The following EIF2AK3 variants were observed in gnomAD, a reference collection of about 807,000 sequenced individuals.
EIF2AK3 encodes eukaryotic translation initiation factor 2 alpha kinase 3.
Under a neutral mutation model 113.5 loss-of-function variants are expected in EIF2AK3, and 50 were observed. The ratio of observed to expected loss-of-function variants is 0.44; its 90% CI spans 0.35 to 0.56. The LOEUF (loss-of-function observed/expected upper bound fraction) is 0.56. EIF2AK3 is among the 20% of genes least tolerant of loss of function. The probability of loss-of-function intolerance (pLI) is 0.00; values close to 1 mark genes in which losing one functional copy is unlikely to be tolerated. For synonymous variants in EIF2AK3, 448 were observed against 495.4 expected (o/e 0.90, Z 1.27); for missense variants, 1,185 against 1,378.0 (o/e 0.86, Z 2.22).
rs1045936070 is a variant in EIF2AK3, at chr2:88,571,019, A to C, written c.2840T>G (p.Met947Arg). 3 of 1,614,186 alleles carry C rather than the reference A, an allele frequency of 1.9e-6. No individual in the cohort carries two copies. The highest frequency in any genetic ancestry group is 1.7e-6 in the Non-Finnish European group (2 of 1,180,022). The change falls in exon 14 of 17, where the codon ATG becomes AGG. Residue 947 changes from methionine to arginine, a missense_variant. Transcript: ENST00000303236. ...DLKPSNIFFT[M>R]DDVVKVGDFG... is the part of the protein sequence containing the mutation. ...GTCTCCAACCTTGACCACATCATCC[A>C]TTGTAAAGAATATGTTGGATGGCTG...
intron 14 of EIF2AK3, among the ~76,000 whole-genome samples, chr2:88,567,597 T>G (rs1674171212): frequency 6.6e-6 from 1 of 152,264 alleles, no homozygotes; most frequent in Admixed American, 6.5e-5. Flanking sequence ...CTCATTTTGG[T>G]ATCAATATTC....
At chr2:88,606,307 A>C in intron 2 of EIF2AK3, among the ~76,000 whole-genome samples, 1 of 145,528 alleles carries the variant, frequency 6.9e-6, no homozygotes, top group Non-Finnish European at 1.5e-5. Context: ...TCCTAAAAAA[A>C]TAAAATAAAA....
chr2:88,599,765 C>T (rs1434555755), intron 2 of EIF2AK3, among the ~76,000 whole-genome samples: 1 of 152,038 alleles, frequency 6.6e-6, no homozygotes, highest in African/African-American at 2.4e-5. Flanking sequence ...CTCTTTTCCT[C>T]TAAAGCAGTA....
intron 14 of EIF2AK3, among the ~76,000 whole-genome samples, chr2:88,565,347 T>G (rs1674083441): frequency 6.6e-6 from 1 of 151,224 alleles, no homozygotes; most frequent in African/African-American, 2.4e-5. Context: ...AAAAAACTTT[T>G]TTTTTTTTTT....
chr2:88,574,410 C>T, intron 13 of EIF2AK3: 1 of 537,630 alleles, frequency 1.9e-6, no homozygotes, highest in Non-Finnish European at 3.3e-6. Context: ...ACCTGGACTA[C>T]TGAGAATACC....
intron 7 of EIF2AK3, 133 bp downstream of exon 7, chr2:88,588,628 C>A: frequency 2.2e-6 from 2 of 908,058 alleles, no homozygotes; most frequent in East Asian, 2.7e-5. Context: ...TCTGAAATAC[C>A]ATCATGGTTT....
At chr2:88,613,082 C>A (rs1283220326) in intron 2 of EIF2AK3, among the ~76,000 whole-genome samples, 1 of 152,176 alleles carries the variant, frequency 6.6e-6, no homozygotes, top group East Asian at 1.9e-4. Context: ...CCCATCTGTA[C>A]CCCATGCGGG....
intron 1 of EIF2AK3, among the ~76,000 whole-genome samples, chr2:88,623,324 GACA>G (rs1455765412): frequency 2.0e-5 from 3 of 152,164 alleles, no homozygotes; most frequent in East Asian, 1.9e-4. Context: ...GAAGAACATG[GACA>G]ACGAGATTGG....
At chr2:88,557,994 T>C in intron 16 of EIF2AK3, 58 bp from the exon 17 acceptor site, 3 of 1,556,274 alleles carry the variant, frequency 1.9e-6, no homozygotes, top group African/African-American at 2.7e-5. Context: ...CTGTACAGTT[T>C]TTAAAATCAG....
At chr2:88,621,986 T>C (rs1258972310) in intron 1 of EIF2AK3, among the ~76,000 whole-genome samples, 1 of 149,500 alleles carries the variant, frequency 6.7e-6, no homozygotes. Flanking sequence ...AAACTCTGCA[T>C]CCCGGGTTCA....
intron 3 of EIF2AK3, 115 bp downstream of exon 3, chr2:88,595,354 C>T: frequency 9.5e-7 from 1 of 1,057,512 alleles, no homozygotes; most frequent in Non-Finnish European, 1.4e-6. Context: ...CAAATGACAA[C>T]CTCAGGGGAA....
chr2:88,622,365 G>T (rs1573428259), intron 1 of EIF2AK3, among the ~76,000 whole-genome samples: 1 of 152,144 alleles, frequency 6.6e-6, no homozygotes, highest in Non-Finnish European at 1.5e-5. Context: ...TACAAAAAAG[G>T]AGAAAAGCAA....
intron 3 of EIF2AK3, chr2:88,594,003 A>G: frequency 1.0e-6 from 1 of 957,822 alleles, no homozygotes; most frequent in Non-Finnish European, 1.2e-6. Flanking sequence ...GAGACTACCG[A>G]AGTAAACAGA....
At chr2:88,606,457 T>A (rs1675281664) in intron 2 of EIF2AK3, among the ~76,000 whole-genome samples, 1 of 152,322 alleles carries the variant, frequency 6.6e-6, no homozygotes, top group African/African-American at 2.4e-5. Flanking sequence ...GTTTCATTTC[T>A]ATAATTAAAA....
At chr2:88,622,514 C>T (rs996128551) in intron 1 of EIF2AK3, among the ~76,000 whole-genome samples, 5 of 152,210 alleles carry the variant, frequency 3.3e-5, no homozygotes, top group Admixed American at 2.0e-4. Flanking sequence ...AAAAAGCAAT[C>T]TCCCATCCCT....
chr2:88,626,572 T>C (rs1413655616), intron 1 of EIF2AK3, among the ~76,000 whole-genome samples: 1 of 152,238 alleles, frequency 6.6e-6, no homozygotes, highest in Non-Finnish European at 1.5e-5. Flanking sequence ...GCTAAAGTCC[T>C]TTCTCAAAAC....
intron 11 of EIF2AK3, among the ~76,000 whole-genome samples, chr2:88,577,056 T>C (rs1361682023): frequency 1.3e-5 from 2 of 151,864 alleles, no homozygotes; most frequent in African/African-American, 2.4e-5. Flanking sequence ...CAATCTCGGC[T>C]CTCTGCAACC....
chr2:88,626,950 G>T lies in EIF2AK3; in HGVS notation c.308+17C>A. 6.2e-7 allele frequency: 1 copy of T among 1,606,348 alleles called. No individual in the cohort carries two copies. The highest frequency in any genetic ancestry group is 1.1e-5 in the South Asian group (1 of 90,556). ...GCGCGTAAACAAGTTGCCTCCCCCG[G>T]GTCGGCAGCCCCTCACCTGCCGCGC... On this transcript the variant is annotated intron_variant, in intron 1 of 16. Coordinates refer to ENST00000303236, the MANE Select transcript of EIF2AK3 (RefSeq NM_004836.7).
chr2:88,580,760 C>T (rs185627076), intron 10 of EIF2AK3, among the ~76,000 whole-genome samples: 18 of 152,244 alleles, frequency 1.2e-4, no homozygotes, highest in African/African-American at 4.1e-4. Context: ...CTTACATACT[C>T]ATTTATTTAG....
Sources: gnomAD v4.1 joint callset for allele counts (sites outside exome capture counted in the v4.1 genomes callset) on GRCh38, gnomAD v4.1.1 for gene constraint, MANE v1.5 for transcripts, NCBI Gene and HGNC (gene_info 2026-07-23, HGNC 2026-07-21) for gene names.